EEF1G: variants seen among roughly 807,000 people sequenced by gnomAD.
EEF1G encodes the protein eukaryotic translation elongation factor 1 gamma.
In EEF1G, 14 loss-of-function variants were observed where a neutral mutation model predicts 58.3. The ratio of observed to expected loss-of-function variants is 0.24; its 90% CI spans 0.16 to 0.38. The LOEUF (loss-of-function observed/expected upper bound fraction) is 0.38. EEF1G is among the 10% of genes least tolerant of loss of function. The probability of loss-of-function intolerance (pLI) is 1.00; values close to 1 mark genes in which losing one functional copy is unlikely to be tolerated. For missense variants in EEF1G, 322 were observed against 550.1 expected, an observed-to-expected ratio of 0.59 and a Z score of 4.15; for synonymous variants, 180 against 206.8, an observed-to-expected ratio of 0.87 and a Z score of 1.11.
intron 7 of EEF1G, among the ~76,000 whole-genome samples, chr11:62,561,386 A>G (rs1247474900): frequency 1.3e-5 from 2 of 151,368 alleles, no homozygotes; most frequent in African/African-American, 2.4e-5. Context: ...TCTGGGGGGA[A>G]AAAAAAGGAC....
At chr11:62,573,494 T>A in intron 1 of EEF1G, 1 of 460,554 alleles carries the variant, frequency 2.2e-6, no homozygotes. Flanking sequence ...CTGTCCCCTG[T>A]GTTACTCCAC....
At chr11:62,565,973 A>C (rs149265551) in intron 7 of EEF1G, among the ~76,000 whole-genome samples, 70 of 152,316 alleles carry the variant, frequency 4.6e-4, no homozygotes, top group African/African-American at 1.6e-3. Flanking sequence ...AGCAGTAAAA[A>C]GATGAACGGC....
chr11:62,569,753 T>C (rs1941604297), intron 5 of EEF1G, among the ~76,000 whole-genome samples: 1 of 152,202 alleles, frequency 6.6e-6, no homozygotes. Context: ...GTAGATTCAC[T>C]CACTAAGATG....
Position 62,571,111 on chromosome 11 carries a change from A to C in EEF1G, c.379-3T>G. ...TCCTCCTTTGCATTCTCAGTGGCCT[A>C]GTGATTCAACATGATAAAACTCATC... On this transcript the variant is annotated splice_polypyrimidine_tract_variant and splice_region_variant and intron_variant, in intron 4 of 9. Transcript: ENST00000329251. The C allele has an allele frequency of 6.2e-7, 1 of 1,613,892 alleles. No homozygotes were observed. The highest frequency in any genetic ancestry group is 8.5e-7 in the Non-Finnish European group (1 of 1,179,880).
intron 7 of EEF1G, among the ~76,000 whole-genome samples, chr11:62,562,628 G>A (rs776048650): frequency 3.3e-5 from 5 of 151,958 alleles, no homozygotes; most frequent in East Asian, 1.9e-4. Context: ...TTACAGGCAC[G>A]TGCCACTACG....
intron 5 of EEF1G, among the ~76,000 whole-genome samples, chr11:62,570,232 T>C (rs1265394436): frequency 6.6e-6 from 1 of 151,976 alleles, no homozygotes; most frequent in African/African-American, 2.4e-5. Context: ...CGGCTAATTT[T>C]CGTATTTTTA....
intron 7 of EEF1G, among the ~76,000 whole-genome samples, chr11:62,561,854 C>A (rs1422676031): frequency 6.6e-6 from 1 of 152,086 alleles, no homozygotes; most frequent in Non-Finnish European, 1.5e-5. Flanking sequence ...CTGGGAAAGC[C>A]GGACAAACTC....
intron 7 of EEF1G, among the ~76,000 whole-genome samples, chr11:62,561,682 C>CAAAAAAAAAAAAAAAAAAAAAAAAAAA (rs58957254): frequency 1.6e-5 from 2 of 124,606 alleles, no homozygotes; most frequent in Non-Finnish European, 1.7e-5. Context: ...AAAAAAAAAA[C>CAAAAAAAAAAAAAAAAAAAAAAAAAAA]AAAAAAAAAA....
intron 7 of EEF1G, among the ~76,000 whole-genome samples, chr11:62,561,303 C>T (rs565559468): frequency 6.6e-6 from 1 of 151,810 alleles, no homozygotes; most frequent in East Asian, 1.9e-4. Context: ...AGCTTGAACC[C>T]GAGAGGCAGA....
At chr11:62,561,688 A>AAAAAACAAAAC (rs1941498118) in intron 7 of EEF1G, among the ~76,000 whole-genome samples, 1 of 140,432 alleles carries the variant, frequency 7.1e-6, no homozygotes, top group African/African-American at 2.6e-5. Flanking sequence ...AAAACAAAAA[A>AAAAAACAAAAC]AAAAAAAACA....
intron 7 of EEF1G, among the ~76,000 whole-genome samples, chr11:62,563,124 CT>C (rs200499410): frequency 3.1e-4 from 45 of 147,122 alleles, no homozygotes; most frequent in Admixed American, 2.2e-3. Context: ...CAAAACAATC[CT>C]TTTTTTTTTA....
At chr11:62,565,050 G>A (rs1941541221) in intron 7 of EEF1G, among the ~76,000 whole-genome samples, 1 of 151,348 alleles carries the variant, frequency 6.6e-6, no homozygotes, top group Admixed American at 6.6e-5. Context: ...TCCAGCCTGG[G>A]TGACAGAGTG....
intron 9 of EEF1G, 109 bp downstream of exon 9, chr11:62,559,960 A>G: frequency 6.2e-7 from 1 of 1,606,602 alleles, no homozygotes; most frequent in South Asian, 1.1e-5. Context: ...GCTCCTTCCT[A>G]TAAGCATTCC....
chr11:62,565,267 T>C (rs936574224), intron 7 of EEF1G, among the ~76,000 whole-genome samples: 10 of 151,726 alleles, frequency 6.6e-5, no homozygotes, highest in Non-Finnish European at 1.5e-4. Flanking sequence ...TGTGCCTTTG[T>C]CCCAGCTACT....
intron 1 of EEF1G, chr11:62,573,425 TGA>T: frequency 4.0e-6 from 1 of 248,922 alleles, no homozygotes; most frequent in South Asian, 5.7e-5. Context: ...CAAACCTCCC[TGA>T]GAGACGACCT....
chr11:62,565,230 A>G (rs989434805), intron 7 of EEF1G, among the ~76,000 whole-genome samples: 4 of 152,092 alleles, frequency 2.6e-5, no homozygotes, highest in African/African-American at 7.2e-5. Context: ...TCTACAAATA[A>G]TAAAAAATTA....
Position 62,572,514 on chromosome 11 carries a change from C to G in EEF1G, c.171+70G>C, listed in dbSNP as rs968175475. The G allele has an allele frequency of 9.5e-6, 15 of 1,586,952 alleles. No homozygotes were observed. In the East Asian group the frequency reaches 3.1e-4, roughly 33 times the overall value. On this transcript the variant is annotated intron_variant, in intron 2 of 9. Coordinates refer to ENST00000329251, the MANE Select transcript of EEF1G (RefSeq NM_001404.5). ...GCTCCCTTTTAGAGATGGGGGCCAC[C>G]ACCAGAGTGACAGAATCGCAGGGCC...
intron 2 of EEF1G, 120 bp downstream of exon 2, chr11:62,572,464 G>C: frequency 7.5e-7 from 1 of 1,334,696 alleles, no homozygotes; most frequent in East Asian, 2.3e-5. Flanking sequence ...TAAAATCACC[G>C]AAATTGAATA....
intron 7 of EEF1G, among the ~76,000 whole-genome samples, chr11:62,561,855 G>A (rs890531478): frequency 3.9e-5 from 6 of 152,032 alleles, no homozygotes; most frequent in Non-Finnish European, 7.4e-5. Context: ...TGGGAAAGCC[G>A]GACAAACTCC....
Sources: gnomAD v4.1 joint callset for allele counts (sites outside exome capture counted in the v4.1 genomes callset) on GRCh38, gnomAD v4.1.1 for gene constraint, MANE v1.5 for transcripts, NCBI Gene and HGNC (gene_info 2026-07-23, HGNC 2026-07-21) for gene names.